The following MME variants were observed in gnomAD, a reference collection of about 807,000 sequenced individuals.
The protein encoded by MME is membrane metalloendopeptidase, also known as neprilysin.
A neutral mutation model predicts 113.2 loss-of-function variants in MME; 98 were observed. The ratio of observed to expected loss-of-function variants is 0.87; its 90% confidence interval spans 0.74 to 1.02. The LOEUF (loss-of-function observed/expected upper bound fraction) is 1.02. Ranked by LOEUF, MME falls within the 50% of genes least tolerant of loss-of-function variation. The pLI, the probability that MME is intolerant of heterozygous loss-of-function variation, is 0.00. For missense variants in MME, 836 were observed against 896.0 expected (o/e 0.93, Z 0.86); for synonymous variants, 292 against 300.6 (o/e 0.97, Z 0.30).
rs1713034138 is a variant in MME, at chr3:155,181,027, T to G, written c.*568T>G. 6.5e-6 allele frequency: 1 copy of G among 154,538 alleles called. No individual in the cohort carries two copies. The highest frequency in any genetic ancestry group is 1.4e-5 in the Non-Finnish European group (1 of 69,248). The allele number at this position is 154,538 out of a possible 1,614,324, so 9.6% of individuals were successfully genotyped here. On this transcript the variant is annotated 3_prime_UTR_variant, in exon 23 of 23. Transcript: ENST00000360490. ...CATACATCAGTTATTCATTCTGTGA[T>G]CATTTATTTTAAGCACTCTTAAAGC...
chr3:155,158,885 T>C (rs1157571729), intron 16 of MME: 1 of 152,012 alleles, frequency 6.6e-6, no homozygotes, highest in East Asian at 1.9e-4. Context: ...CCCCATCCTG[T>C]TTAAAAATGC....
At chr3:155,025,378 A>T (rs1712745564) in intron 1 of MME, among the ~76,000 whole-genome samples, 1 of 152,098 alleles carries the variant, frequency 6.6e-6, no homozygotes, top group South Asian at 2.1e-4. Context: ...AGTATGGATC[A>T]CTTTGGGAGG....
chr3:155,083,903 T>A, intron 1 of MME: 1 of 424,302 alleles, frequency 2.4e-6, no homozygotes, highest in South Asian at 2.3e-5. Flanking sequence ...TTGCTGAGAT[T>A]TTCAGTGATA....
At chr3:155,081,658 A>T (rs1559904219) in intron 1 of MME, 12 of 138,406 alleles carry the variant, frequency 8.7e-5, no homozygotes, top group Admixed American at 1.5e-4. Context: ...TGTCCCCCTT[A>T]CTCTTCTCTA....
At chr3:155,163,522 T>C (rs947516276) in intron 17 of MME, among the ~76,000 whole-genome samples, 1 of 152,190 alleles carries the variant, frequency 6.6e-6, no homozygotes, top group Non-Finnish European at 1.5e-5. Flanking sequence ...TGCCATGACA[T>C]TAGGAAAGCT....
In MME at chr3:155,147,302, T is replaced by C. The variant is rs1721595684; in HGVS notation, c.1497+78T>C. The C allele has an allele frequency of 1.3e-5, 11 of 856,602 alleles. 1 individual carries two copies. In the South Asian group the frequency reaches 1.5e-4, roughly 12 times the overall value. 53.1% of individuals were successfully genotyped at this position (856,602 alleles called of 1,614,324 possible). On this transcript the variant is annotated intron_variant, in intron 15 of 22. Transcript: ENST00000360490. ...GTGTCATTTTTAGCTATGGGGTGCC[T>C]GAAATTATATGAAGTAGCCTGAAAC...
chr3:155,115,261 AG>A, intron 4 of MME, 106 bp downstream of exon 4: 2 of 1,390,996 alleles, frequency 1.4e-6, no homozygotes, highest in South Asian at 2.4e-5. Flanking sequence ...AAGATTAAAA[AG>A]TTAATAATCC....
intron 8 of MME, among the ~76,000 whole-genome samples, chr3:155,125,272 C>A (rs565870829): frequency 3.8e-5 from 5 of 131,100 alleles, no homozygotes; most frequent in African/African-American, 1.0e-4. Context: ...CGCCCTGCTT[C>A]GGCTCACGCA....
At chr3:155,111,577 T>C (rs1416030147) in intron 3 of MME, among the ~76,000 whole-genome samples, 2 of 152,200 alleles carry the variant, frequency 1.3e-5, no homozygotes, top group Non-Finnish European at 2.9e-5. Context: ...GATGGAGAAT[T>C]TGCACTCATG....
intron 7 of MME, among the ~76,000 whole-genome samples, chr3:155,118,258 C>A (rs192114490): frequency 6.6e-6 from 1 of 152,260 alleles, no homozygotes; most frequent in African/African-American, 2.4e-5. Context: ...CACTTCTCCC[C>A]TTCTCCCCAT....
chr3:155,039,987 C>T (rs1713256310), intron 1 of MME, among the ~76,000 whole-genome samples: 1 of 151,952 alleles, frequency 6.6e-6, no homozygotes, highest in African/African-American at 2.4e-5. Flanking sequence ...GGGAATATAT[C>T]CCTTATGGCA....
intron 16 of MME, 78 bp downstream of exon 16, chr3:155,148,731 AG>A: frequency 9.5e-7 from 1 of 1,053,498 alleles, no homozygotes; most frequent in Non-Finnish European, 1.5e-6. Flanking sequence ...TAAGTGAAAG[AG>A]CCTCAGTTAG....
intron 8 of MME, among the ~76,000 whole-genome samples, chr3:155,119,410 CT>C (rs781633297): frequency 0.15 from 16,567 of 112,228 alleles, 787 homozygotes; most frequent in Non-Finnish European, 0.18. Context: ...TTCACGTGCT[CT>C]TTTTTTTTTT....
intron 6 of MME, 41 bp from the exon 7 acceptor site, chr3:155,116,827 C>A: frequency 6.5e-7 from 1 of 1,546,194 alleles, no homozygotes; most frequent in Non-Finnish European, 8.9e-7. Context: ...CATTAGTGAA[C>A]TAAAGCTTCT....
At chr3:155,026,863 A>T (rs540766174) in intron 1 of MME, among the ~76,000 whole-genome samples, 1 of 152,326 alleles carries the variant, frequency 6.6e-6, no homozygotes, top group South Asian at 2.1e-4. Context: ...AAGCAGGTTG[A>T]TGATGTTTCC....
At chr3:155,102,186 C>T (rs577064997) in intron 3 of MME, among the ~76,000 whole-genome samples, 9 of 152,034 alleles carry the variant, frequency 5.9e-5, no homozygotes, top group East Asian at 3.9e-4. Context: ...TTTAAGATTC[C>T]GATACAGTGC....
At chr3:155,071,890 G>A (rs982713795) in intron 1 of MME, among the ~76,000 whole-genome samples, 19 of 152,056 alleles carry the variant, frequency 1.2e-4, no homozygotes, top group African/African-American at 3.9e-4. Flanking sequence ...GGCCGGGCGC[G>A]GTGGCTCACG....
chr3:155,134,337 A>G (rs1389428693), intron 8 of MME, among the ~76,000 whole-genome samples: 5 of 151,982 alleles, frequency 3.3e-5, no homozygotes, highest in Non-Finnish European at 5.9e-5. Flanking sequence ...TGCCATCTCT[A>G]TGTCCTTAAA....
At chr3:155,107,012 C>T (rs923319795) in intron 3 of MME, among the ~76,000 whole-genome samples, 4 of 152,286 alleles carry the variant, frequency 2.6e-5, no homozygotes, top group Middle Eastern at 3.4e-3. Context: ...CTGAAAACAG[C>T]TTTGTTCATA....
Sources: gnomAD v4.1 joint callset for allele counts (sites outside exome capture counted in the v4.1 genomes callset) on GRCh38, gnomAD v4.1.1 for gene constraint, MANE v1.5 for transcripts, NCBI Gene and HGNC (gene_info 2026-07-23, HGNC 2026-07-21) for gene names.